Variants in CAST observed in about 807,000 individuals in gnomAD.
CAST encodes MIR583 host.
Under a neutral mutation model 119.6 loss-of-function variants are expected in CAST, and 76 were observed. That is an observed-to-expected ratio of 0.64 (90% CI 0.53 to 0.77). CAST has a LOEUF of 0.77. Among genes scored for constraint, CAST ranks in the 30% least tolerant of loss-of-function variants. The pLI is 0.00. For synonymous variants in CAST, 319 were observed against 331.6 expected, an observed-to-expected ratio of 0.96 and a Z score of 0.41; for missense variants, 953 against 946.5, an observed-to-expected ratio of 1.01 and a Z score of -0.09.
the CAST span, among the ~76,000 whole-genome samples, chr5:96,199,487 A>C: frequency 6.6e-6 from 1 of 152,194 alleles, no homozygotes; most frequent in Non-Finnish European, 1.5e-5. Flanking sequence ...GTAGGTTTAC[A>C]TAGACCAAAT....
chr5:95,981,471 C>T, the CAST span, among the ~76,000 whole-genome samples: 2 of 152,168 alleles, frequency 1.3e-5, no homozygotes, highest in Admixed American at 6.5e-5. Flanking sequence ...ATCTGAGATT[C>T]TTGTTAAAAT....
the CAST span, among the ~76,000 whole-genome samples, chr5:96,100,945 G>A: frequency 2.0e-5 from 3 of 151,962 alleles, no homozygotes; most frequent in East Asian, 5.8e-4. Flanking sequence ...TATTTTAAGA[G>A]ACAGGGTCTC....
the CAST span, among the ~76,000 whole-genome samples, chr5:96,207,660 G>A: frequency 6.6e-6 from 1 of 152,076 alleles, no homozygotes; most frequent in African/African-American, 2.4e-5. Context: ...CTTGATGGCA[G>A]TGGGTTAGCT....
chr5:95,966,742 C>T, the CAST span, among the ~76,000 whole-genome samples: 1 of 152,182 alleles, frequency 6.6e-6, no homozygotes, highest in Non-Finnish European at 1.5e-5. Flanking sequence ...TGGAGATACT[C>T]AGTCTTCATT....
the CAST span, among the ~76,000 whole-genome samples, chr5:96,345,780 G>T: frequency 6.6e-6 from 1 of 152,180 alleles, no homozygotes; most frequent in African/African-American, 2.4e-5. Flanking sequence ...GGCTGTTGCT[G>T]GAGGCTTCCC....
At chr5:96,148,874 C>A in the CAST span, among the ~76,000 whole-genome samples, 1 of 152,184 alleles carries the variant, frequency 6.6e-6, no homozygotes, top group East Asian at 1.9e-4. Context: ...AGCTGTGTGA[C>A]CTTGGTCACG....
chr5:96,283,959 TG>T, the CAST span, among the ~76,000 whole-genome samples: 2 of 152,074 alleles, frequency 1.3e-5, no homozygotes, highest in Non-Finnish European at 2.9e-5. Flanking sequence ...CACCATGGGT[TG>T]GAAGGAGTCT....
chr5:96,243,517 G>A, the CAST span, among the ~76,000 whole-genome samples: 1 of 152,002 alleles, frequency 6.6e-6, no homozygotes, highest in African/African-American at 2.4e-5. Context: ...GCACCAATAT[G>A]CAGTCACATA....
At chr5:96,328,449 G>T in the CAST span, among the ~76,000 whole-genome samples, 1 of 125,606 alleles carries the variant, frequency 8.0e-6, no homozygotes, top group Admixed American at 1.0e-4. Flanking sequence ...CATGGCTATA[G>T]AACTGAATAT....
At chr5:96,538,524 A>G (rs906143256) in intron 1 of CAST, among the ~76,000 whole-genome samples, 2 of 152,202 alleles carry the variant, frequency 1.3e-5, no homozygotes, top group African/African-American at 2.4e-5. Context: ...ACCTAAAAGC[A>G]TTTGAAGATG....
chr5:96,335,970 C>G, the CAST span, among the ~76,000 whole-genome samples: 1 of 152,212 alleles, frequency 6.6e-6, no homozygotes, highest in Non-Finnish European at 1.5e-5. Flanking sequence ...CTTCTTTTAA[C>G]TGGACCAATA....
At chr5:96,607,256 C>A (rs1747276837) in intron 1 of CAST, among the ~76,000 whole-genome samples, 1 of 152,152 alleles carries the variant, frequency 6.6e-6, no homozygotes, top group Admixed American at 6.5e-5. Flanking sequence ...CCACTGCACT[C>A]CAGCCTGGGC....
chr5:96,605,198 A>G (rs1271023305), intron 1 of CAST, among the ~76,000 whole-genome samples: 1 of 152,220 alleles, frequency 6.6e-6, no homozygotes, highest in East Asian at 1.9e-4. Context: ...ACATTCAGGT[A>G]GAGCTGTCCT....
upstream of CAST, chr5:96,662,326 T>TCCCCCC: frequency 3.9e-6 from 1 of 259,232 alleles, no homozygotes. Flanking sequence ...CTCCGCTCCC[T>TCCCCCC]CCCTCCCTCC....
the CAST span, among the ~76,000 whole-genome samples, chr5:96,223,887 C>A: frequency 1.3e-5 from 2 of 152,130 alleles, no homozygotes; most frequent in African/African-American, 2.4e-5. Context: ...TTCTGTACAT[C>A]TTCATGGAAT....
intron 1 of CAST, among the ~76,000 whole-genome samples, chr5:96,552,582 A>T (rs780739835): frequency 2.9e-4 from 44 of 152,224 alleles, no homozygotes; most frequent in Non-Finnish European, 6.3e-4. Flanking sequence ...GAAGAACTGA[A>T]GGAGATAGAG....
the CAST span, among the ~76,000 whole-genome samples, chr5:96,148,552 A>T: frequency 6.6e-6 from 1 of 152,206 alleles, no homozygotes; most frequent in South Asian, 2.1e-4. Flanking sequence ...AAACTGAGAC[A>T]ATTTCATGCC....
At chr5:96,287,835 ACT>A in the CAST span, among the ~76,000 whole-genome samples, 1 of 152,156 alleles carries the variant, frequency 6.6e-6, no homozygotes, top group African/African-American at 2.4e-5. Context: ...ACAGAGCAAG[ACT>A]CTGTCTCAAA....
chr5:95,973,721 T>G, the CAST span, among the ~76,000 whole-genome samples: 1 of 152,190 alleles, frequency 6.6e-6, no homozygotes, highest in African/African-American at 2.4e-5. Context: ...ACTGTCATGA[T>G]TATTGTAGCT....
Sources: gnomAD v4.1 joint callset for allele counts (sites outside exome capture counted in the v4.1 genomes callset) on GRCh38, gnomAD v4.1.1 for gene constraint, MANE v1.5 for transcripts, NCBI Gene and HGNC (gene_info 2026-07-23, HGNC 2026-07-21) for gene names.